Variants in MED1 observed in about 807,000 individuals in gnomAD.
MED1 encodes mediator complex subunit 1.
MED1 carries 17 observed loss-of-function variants against 121.3 expected under a neutral mutation model. The observed-to-expected ratio is 0.14, with a 90% CI of 0.10 to 0.21. MED1 has a LOEUF of 0.21. Among genes scored for constraint, MED1 ranks in the 10% least tolerant of loss-of-function variants. The pLI is 1.00. For missense variants in MED1, 1,558 were observed against 1,919.4 expected (o/e 0.81, Z 3.52); for synonymous variants, 661 against 694.4 (o/e 0.95, Z 0.76).
At chr17:39,444,636 C>T (rs551798793) in intron 2 of MED1, among the ~76,000 whole-genome samples, 57 of 152,106 alleles carry the variant, frequency 3.7e-4, no homozygotes, top group Admixed American at 1.3e-3. Context: ...TTTGGGAGGC[C>T]AAGGCGAGCA....
chr17:39,447,353 T>C (rs1043804609), intron 2 of MED1, among the ~76,000 whole-genome samples: 8 of 149,542 alleles, frequency 5.3e-5, no homozygotes, highest in African/African-American at 2.0e-4. Flanking sequence ...ATCGGGCTAT[T>C]ACAACCCAGC....
intron 3 of MED1, among the ~76,000 whole-genome samples, chr17:39,441,806 A>G (rs185806417): frequency 2.0e-5 from 3 of 152,078 alleles, no homozygotes; most frequent in East Asian, 1.9e-4. Flanking sequence ...GGTAAAGAAG[A>G]TAATACTCAG....
At chr17:39,443,820 T>C (rs569417331) in intron 2 of MED1, among the ~76,000 whole-genome samples, 192 bp from the exon 3 acceptor site, 4 of 84,508 alleles carry the variant, frequency 4.7e-5, no homozygotes, top group East Asian at 3.5e-4. Context: ...AAAATCCATA[T>C]ATATGAGTGT....
In MED1 at chr17:39,405,366, T is replaced by G. The variant is rs2048295222; in HGVS notation, c.*2109A>C. The G allele has an allele frequency of 1.3e-6, 2 of 1,566,628 alleles. No homozygotes were observed. The highest frequency in any genetic ancestry group is 1.7e-6 in the Non-Finnish European group (2 of 1,155,138). The stretch of plus-strand genomic sequence containing the variant: ...CCAGTTTACTCATTTTGGTATTTGT[T>G]GGCCCTGCATGGGGGAGCTGAGCCC... On this transcript the variant is annotated 3_prime_UTR_variant, in exon 17 of 17. Coordinates refer to ENST00000300651, the MANE Select transcript of MED1 (RefSeq NM_004774.4).
intron 10 of MED1, among the ~76,000 whole-genome samples, chr17:39,426,846 T>G (rs2048519718): frequency 6.6e-6 from 1 of 152,080 alleles, no homozygotes; most frequent in African/African-American, 2.4e-5. Context: ...CTATCTCTCT[T>G]TATCTTTTCT....
intron 7 of MED1, among the ~76,000 whole-genome samples, chr17:39,433,566 T>C (rs1597868112): frequency 6.6e-6 from 1 of 151,380 alleles, no homozygotes. Flanking sequence ...TTTTTTCTTT[T>C]TTTTTGAGAC....
rs931585250 is a variant in MED1 at position 39,432,758 on chromosome 17, A to T, written c.501-742T>A. Among the ~76,000 whole-genome samples, 5 of 151,562 alleles carry T rather than the reference A, an allele frequency of 3.3e-5. No homozygotes were observed. The South Asian group carries it at 8.4e-4, about 25-fold the overall frequency. ...GCAGAGCGAGACTCTGTCTCCAAAA[A>T]AAAACAAAAACCAAAAAAAAAACTG... On this transcript the variant is annotated intron_variant, in intron 7 of 16. Coordinates refer to ENST00000300651, the MANE Select transcript of MED1 (RefSeq NM_004774.4).
chr17:39,411,165 A>G lies in MED1; in HGVS notation c.1500-444T>C, dbSNP rs1357058428. 4.6e-5 allele frequency among the ~76,000 whole-genome samples: 7 copies of G among 152,054 alleles called. No homozygotes were observed. The East Asian group carries it at 1.4e-3, about 29-fold the overall frequency. On this transcript the variant is annotated intron_variant, in intron 16 of 16. Coordinates refer to ENST00000300651, the MANE Select transcript of MED1 (RefSeq NM_004774.4). ...GAAACCCCGTCTCTACTAAAAATAC[A>G]AAAATTAGCTGGGCGTGGTGGCGCG...
chr17:39,409,656 G>A lies in MED1; in HGVS notation c.2565C>T (p.Thr855=), dbSNP rs148348536. The change falls in exon 17 of 17, where the codon ACC becomes ACT. Residue 855 remains threonine (T), a synonymous_variant. Transcript: ENST00000300651. ...AAGSPSSDSP[T]NHFFHDGVDF... The stretch of plus-strand genomic sequence containing the variant: ...CTACTCCATCATGAAAAAAATGATT[G>A]GTAGGAGAGTCACTACTGGGGCTTC... 3.1e-6 allele frequency: 5 copies of A among 1,614,124 alleles called. No individual in the cohort carries two copies. Among genetic ancestry groups the A allele is most frequent in the African/African-American group, 2.7e-5 (2 of 75,032 alleles).
Position 39,408,789 on chromosome 17 carries a change from T to G in MED1, c.3432A>C (p.Lys1144Asn). Residue 1144 changes from lysine to asparagine, a missense_variant, in exon 17 of 17, where the codon AAA becomes AAC. By Grantham distance (94) the Lys-to-Asn change is moderately conservative. Around this residue, in one of 5 missense-constraint regions of MED1, gnomAD observed 793 missense variants for 898.2 expected, o/e 0.88. Transcript: ENST00000300651. This position sits in a 1 kb window ranked among gnomAD's most constrained non-coding sequence, Gnocchi z 4.7. ...SQGSSGSSQS[K>N]NSSQSGGKPG... is the part of the protein sequence containing the mutation. ...GCTTCCCCCCAGACTGGGATGAATT[T>G]TTGGACTGGCTAGATCCAGAAGACC... is the stretch of plus-strand genomic sequence containing the variant. The G allele has an allele frequency of 6.2e-7, 1 of 1,614,078 alleles. No individual in the cohort carries two copies. The highest frequency in any genetic ancestry group is 8.5e-7 in the Non-Finnish European group (1 of 1,179,970).
chr17:39,433,722 G>A (rs1170758288), intron 7 of MED1, among the ~76,000 whole-genome samples: 1 of 151,746 alleles, frequency 6.6e-6, no homozygotes, highest in African/African-American at 2.4e-5. Context: ...CATCTAAGCT[G>A]TTGCTGTTGT....
chr17:39,442,902 T>A (rs1447916419), intron 3 of MED1, among the ~76,000 whole-genome samples: 2 of 66,670 alleles, frequency 3.0e-5, no homozygotes, highest in African/African-American at 7.1e-5. Flanking sequence ...TGAAACTCCA[T>A]CTCAAAAAAA....
chr17:39,431,276 C>A (rs2048562817), intron 8 of MED1, 88 bp from the exon 9 acceptor site: 3 of 1,024,766 alleles, frequency 2.9e-6, no homozygotes, highest in Non-Finnish European at 4.2e-6. Flanking sequence ...TCTCCGAAGT[C>A]TTGTCTTTTT....
chr17:39,405,960 C>T lies in MED1; in HGVS notation c.*1515G>A, dbSNP rs1186826904. ...TTGTGCTGGGGACCATGCCCCATCC[C>T]GCTGATACAGATCCTGAATGGAATA... On this transcript the variant is annotated 3_prime_UTR_variant, in exon 17 of 17. Transcript: ENST00000300651. 3.0e-6 allele frequency: 3 copies of T among 985,422 alleles called. No homozygotes were observed. Among genetic ancestry groups the T allele is most frequent in the Non-Finnish European group, 2.4e-6 (2 of 829,956 alleles). 61.0% of individuals were successfully genotyped at this position (985,422 alleles called of 1,614,324 possible).
intron 16 of MED1, among the ~76,000 whole-genome samples, chr17:39,413,156 C>T (rs1283127699): frequency 6.6e-6 from 1 of 152,070 alleles, no homozygotes; most frequent in Non-Finnish European, 1.5e-5. Context: ...CTCACTGCAG[C>T]CTCCGCCTCC....
In MED1 at chr17:39,408,247, A is replaced by G. The variant is rs1188056971; in HGVS notation, c.3974T>C (p.Leu1325Pro). 1.2e-6 allele frequency: 2 copies of G among 1,614,020 alleles called. No homozygotes were observed. Among genetic ancestry groups the G allele is most frequent in the Non-Finnish European group, 1.7e-6 (2 of 1,180,050 alleles). ...VTSGPGGEDP[L>P]DGQMGVSTNS... is the part of the protein sequence containing the mutation. ...TGTGCTCACCCCCATCTGGCCGTCC[A>G]GTGGGTCTTCACCCCCAGGGCCACT... The change falls in exon 17 of 17, where the codon CTG becomes CCG. Residue 1325 changes from leucine to proline, a missense_variant. Coordinates refer to ENST00000300651, the MANE Select transcript of MED1 (RefSeq NM_004774.4). The surrounding 1 kb of genome is among the most constrained non-coding windows in gnomAD (Gnocchi z 4.7).
At chr17:39,449,980 A>C (rs2048766696) in intron 1 of MED1, among the ~76,000 whole-genome samples, 1 of 150,898 alleles carries the variant, frequency 6.6e-6, no homozygotes, top group Admixed American at 6.6e-5. Flanking sequence ...ACGCCCGGCT[A>C]ATTTTGTATT....
intron 13 of MED1, among the ~76,000 whole-genome samples, chr17:39,422,863 C>CTTTTTT (rs372712559): frequency 1.5e-4 from 15 of 98,918 alleles, no homozygotes; most frequent in Non-Finnish European, 2.5e-4. Context: ...TCCGAGATTT[C>CTTTTTT]TTTTTTTTTT....
rs1466131298 is a variant in MED1, at chr17:39,408,065, T to C, written c.4156A>G (p.Ser1386Gly). ...ATGATAATTTTTGCCACACCTGTGC[T>C]CCCCACATTTTTTGACTCTGAGGTC... ...KKTSESKNVG[S>G]TGVAKIIISK... is the part of the protein sequence containing the mutation. The change falls in exon 17 of 17, where the codon AGC (serine) becomes GGC (glycine). Residue 1386 changes from serine (S) to glycine (G), a missense_variant. This residue lies in a region of MED1 where 264 missense variants were observed against 326.1 expected (regional missense o/e 0.81). Transcript: ENST00000300651. The surrounding 1 kb of genome is among the most constrained non-coding windows in gnomAD (Gnocchi z 4.7). 5 of 1,614,090 alleles carry C rather than the reference T, an allele frequency of 3.1e-6. No homozygotes were observed. The Admixed American group carries it at 8.3e-5, about 27-fold the overall frequency.
Sources: allele counts gnomAD v4.1 joint callset (sites outside exome capture counted in the v4.1 genomes callset), GRCh38; gene constraint gnomAD v4.1.1; regional missense constraint gnomAD v4.1.1; non-coding constraint Gnocchi (gnomAD v3.1); transcripts MANE v1.5; gene names NCBI Gene and HGNC (gene_info 2026-07-23, HGNC 2026-07-21).